RWDD4: variants seen among roughly 807,000 people sequenced by gnomAD.
The protein encoded by RWDD4 is RWD domain-containing protein 4.
In RWDD4, 16 loss-of-function variants were observed where a neutral mutation model predicts 30.0. The ratio of observed to expected loss-of-function variants is 0.53; its 90% CI spans 0.36 to 0.81. The LOEUF is 0.81. RWDD4 is among the 30% of genes least tolerant of loss of function. The pLI is 0.00. For missense variants in RWDD4, 170 were observed against 223.9 expected (o/e 0.76, Z 1.54); for synonymous variants, 45 against 72.1 (o/e 0.62, Z 1.90).
chr4:183,658,899 T>C, intron 1 of RWDD4, 30 bp downstream of exon 1: 1 of 1,249,754 alleles, frequency 8.0e-7, no homozygotes, highest in Non-Finnish European at 1.0e-6. Context: ...GCGCCCGCGC[T>C]GGGAGAGGGC....
chr4:183,650,551 C>T (rs1021979428), intron 4 of RWDD4, among the ~76,000 whole-genome samples: 5 of 151,710 alleles, frequency 3.3e-5, no homozygotes, highest in Non-Finnish European at 7.4e-5. Flanking sequence ...TTTTTCTATT[C>T]AATAAAGTTT....
chr4:183,651,267 G>A lies in RWDD4; in HGVS notation c.166C>T (p.Pro56Ser). The change falls in exon 3 of 8, where the codon CCC (proline) becomes TCC (serine). Residue 56 changes from proline to serine, a missense_variant. Pro to Ser is a moderately conservative substitution (Grantham distance 74). Coordinates refer to ENST00000326397, the MANE Select transcript of RWDD4 (RefSeq NM_152682.4). ...LIEISWTETY[P>S]QTPPILSMNA... ...ATAGATAGAATTGGAGGTGTTTGGG[G>A]ATATGTTTCTGTCCAGGAAATCTCT... 1 of 1,613,032 alleles carries A rather than the reference G, an allele frequency of 6.2e-7. No individual in the cohort carries two copies. Among genetic ancestry groups the A allele is most frequent in the Admixed American group, 1.7e-5 (1 of 60,014 alleles).
rs28640032 is a variant in RWDD4, at chr4:183,643,509, C to T, written c.535-2041G>A. Among the ~76,000 whole-genome samples, 492 of 149,384 alleles carry T rather than the reference C, an allele frequency of 3.3e-3. 5 individuals are homozygous for T. Among genetic ancestry groups the T allele is most frequent in the African/African-American group, 0.012 (469 of 40,716 alleles). ...CAAATAGTTTTGACCTTGTGTACCC[C>T]CTGAGAGAGTCTCAGGGACATCCCA... On this transcript the variant is annotated intron_variant, in intron 7 of 7. Coordinates refer to ENST00000326397, the MANE Select transcript of RWDD4 (RefSeq NM_152682.4).
chr4:183,646,471 A>T lies in RWDD4; in HGVS notation c.531+17T>A, dbSNP rs1031566244. On this transcript the variant is annotated intron_variant, in intron 6 of 7. Transcript: ENST00000326397. ...AATTGTAACAAGTTTAAAGACTAGAATATAAATGTTATATACCTTCACAAC... is the reference window on the plus strand; with the variant it reads ...AATTGTAACAAGTTTAAAGACTAGATTATAAATGTTATATACCTTCACAAC... 3.7e-6 allele frequency: 6 copies of T among 1,609,984 alleles called. No homozygotes were observed. In the African/African-American group the frequency reaches 8.0e-5, roughly 22 times the overall value.
intron 7 of RWDD4, 52 bp downstream of exon 7, chr4:183,646,299 A>G: frequency 3.7e-6 from 3 of 807,138 alleles, no homozygotes; most frequent in Non-Finnish European, 6.4e-6. Flanking sequence ...AAGATCTAAA[A>G]TTGAGAGTGC....
rs368972549 is a variant in RWDD4 at position 183,646,331 on chromosome 4, G to A, written c.534+20C>T. ...GTGCAGGGAAAAGAAGAATGTAAAA[G>A]GTATTTCAAAAATACTTACATGCTG... On this transcript the variant is annotated intron_variant, in intron 7 of 7. Coordinates refer to ENST00000326397, the MANE Select transcript of RWDD4 (RefSeq NM_152682.4). 3.3e-5 allele frequency: 30 copies of A among 915,418 alleles called. No homozygotes were observed. Among genetic ancestry groups the A allele is most frequent in the Non-Finnish European group, 4.9e-5 (27 of 548,206 alleles). The allele number at this position is 915,418 out of a possible 1,614,324, so 56.7% of individuals were successfully genotyped here.
At chr4:183,651,870 T>C (rs1051706447) in intron 2 of RWDD4, among the ~76,000 whole-genome samples, 1 of 152,220 alleles carries the variant, frequency 6.6e-6, no homozygotes, top group Non-Finnish European at 1.5e-5. Flanking sequence ...GACGCCCTTG[T>C]TTCTTCCGCT....
intron 4 of RWDD4, among the ~76,000 whole-genome samples, chr4:183,650,048 A>T (rs556520304): frequency 1.4e-4 from 22 of 152,372 alleles, no homozygotes; most frequent in African/African-American, 5.3e-4. Flanking sequence ...GTCAGGGTAT[A>T]TGATAGCTAA....
At chr4:183,651,796 A>C (rs765207045) in intron 2 of RWDD4, among the ~76,000 whole-genome samples, 5 of 152,236 alleles carry the variant, frequency 3.3e-5, no homozygotes, top group Non-Finnish European at 5.9e-5. Context: ...AACTGAGAGA[A>C]AAAAGGAAAA....
intron 2 of RWDD4, among the ~76,000 whole-genome samples, chr4:183,652,863 G>A (rs1734111952): frequency 6.7e-6 from 1 of 150,064 alleles, no homozygotes; most frequent in South Asian, 2.1e-4. Context: ...AGTAGCTGGA[G>A]CTACAGGCGT....
intron 2 of RWDD4, among the ~76,000 whole-genome samples, chr4:183,654,528 T>C (rs1734145678): frequency 6.6e-6 from 1 of 152,224 alleles, no homozygotes; most frequent in Non-Finnish European, 1.5e-5. Context: ...AAATCCATCC[T>C]ATGGGTCACG....
At chr4:183,644,772 G>A (rs563570820) in intron 7 of RWDD4, among the ~76,000 whole-genome samples, 2 of 146,336 alleles carry the variant, frequency 1.4e-5, no homozygotes, top group South Asian at 2.2e-4. Flanking sequence ...AGCGAGACTC[G>A]GCTTCAAAAA....
At position 183,655,874 on chromosome 4, in the gene RWDD4, G is replaced by C; in HGVS notation, c.105+7C>G. 6.3e-7 allele frequency: 1 copy of C among 1,581,494 alleles called. No homozygotes were observed. Among genetic ancestry groups the C allele is most frequent in the Non-Finnish European group, 8.7e-7 (1 of 1,152,814 alleles). ...TTCTAAGTGCTCTTATTCATGCCAT[G>C]TCTTACCCTATATTGAAAAGAAACT... On this transcript the variant is annotated splice_region_variant and intron_variant, in intron 2 of 7. Coordinates refer to ENST00000326397, the MANE Select transcript of RWDD4 (RefSeq NM_152682.4).
At chr4:183,652,559 C>T (rs1579130210) in intron 2 of RWDD4, among the ~76,000 whole-genome samples, 1 of 152,044 alleles carries the variant, frequency 6.6e-6, no homozygotes, top group East Asian at 1.9e-4. Context: ...TGTCTGTACT[C>T]TCAGCACTTT....
intron 5 of RWDD4, among the ~76,000 whole-genome samples, chr4:183,647,978 C>T (rs1479976461): frequency 6.6e-6 from 1 of 151,852 alleles, no homozygotes; most frequent in Non-Finnish European, 1.5e-5. Flanking sequence ...GATGCGGTGG[C>T]TCAAGCCCGT....
intron 7 of RWDD4, among the ~76,000 whole-genome samples, chr4:183,645,599 CA>C (rs11310523): frequency 0.42 from 47,087 of 111,338 alleles, 7,896 homozygotes; most frequent in Admixed American, 0.47. Context: ...TCTGTCTCTG[CA>C]AAAAAAAAAA....
At chr4:183,644,770 T>G (rs1733933991) in intron 7 of RWDD4, among the ~76,000 whole-genome samples, 1 of 147,918 alleles carries the variant, frequency 6.8e-6, no homozygotes, top group South Asian at 2.1e-4. Context: ...GGAGCGAGAC[T>G]CGGCTTCAAA....
intron 2 of RWDD4, among the ~76,000 whole-genome samples, chr4:183,651,665 A>G (rs930935157): frequency 6.6e-6 from 1 of 152,184 alleles, no homozygotes; most frequent in African/African-American, 2.4e-5. Context: ...TATCCGTGGG[A>G]TACAGAAAGA....
chr4:183,646,538 C>T lies in RWDD4; in HGVS notation c.482-1G>A. The T allele has an allele frequency of 6.2e-7, 1 of 1,608,300 alleles. No homozygotes were observed. Among genetic ancestry groups the T allele is most frequent in the Non-Finnish European group, 8.5e-7 (1 of 1,178,592 alleles). Reference sequence around the variant, plus strand: ...CCTCGAGGAAGTTCTCCTTTGTGATCTAGAAGATAAAAAATAGTAACTTTA... The same window carrying T: ...CCTCGAGGAAGTTCTCCTTTGTGATTTAGAAGATAAAAAATAGTAACTTTA... On this transcript the variant is annotated splice_acceptor_variant, in intron 5 of 7. Transcript: ENST00000326397. LOFTEE classifies it high-confidence loss of function.
Sources: allele counts gnomAD v4.1 joint callset (sites outside exome capture counted in the v4.1 genomes callset), GRCh38; gene constraint gnomAD v4.1.1; transcripts MANE v1.5; gene names NCBI Gene and HGNC (gene_info 2026-07-23, HGNC 2026-07-21).